Variants in CUX2 observed in about 807,000 individuals in gnomAD.
The protein encoded by CUX2 is cut like homeobox 2, also known as homeobox protein cut-like 2.
In CUX2, 40 loss-of-function variants were observed where a neutral mutation model predicts 144.8. That is an observed-to-expected ratio of 0.28 (90% CI 0.21 to 0.36). The LOEUF is 0.36. Ranked by LOEUF, CUX2 falls within the 10% of genes least tolerant of loss-of-function variation. The pLI is 1.00. For missense variants in CUX2, 1,615 were observed against 1,994.0 expected (o/e 0.81, Z 3.62); for synonymous variants, 827 against 875.6 (o/e 0.94, Z 0.98).
intron 1 of CUX2, among the ~76,000 whole-genome samples, chr12:111,089,681 G>A (rs143336809): frequency 3.3e-5 from 5 of 152,246 alleles, no homozygotes; most frequent in Non-Finnish European, 7.3e-5. Flanking sequence ...GCATTCCTAG[G>A]TTAATGGGAG....
chr12:111,072,967 A>C (rs1871318812), intron 1 of CUX2, among the ~76,000 whole-genome samples: 1 of 152,244 alleles, frequency 6.6e-6, no homozygotes, highest in Non-Finnish European at 1.5e-5. Flanking sequence ...ACAGATAAGC[A>C]AAAAGAAGAA....
chr12:111,228,534 C>T (rs867654602), intron 3 of CUX2, among the ~76,000 whole-genome samples: 3 of 152,116 alleles, frequency 2.0e-5, no homozygotes, highest in Non-Finnish European at 2.9e-5. Context: ...AGCGATTCTC[C>T]TGCCTCAGCC....
Position 111,047,129 on chromosome 12 carries a change from C to CG in CUX2, c.63+12891dup, listed in dbSNP as rs138665700. On this transcript the variant is annotated intron_variant, in intron 1 of 21. Transcript: ENST00000261726. ...TGAGCACCACCCGGCCATCCATCCC[C>CG]GGCCCCCGCTGGGTCCCGGAGCCGC... Among the ~76,000 whole-genome samples, 1,255 of 152,340 alleles carry CG rather than the reference C, an allele frequency of 8.2e-3. 24 individuals are homozygous for CG. Among genetic ancestry groups the CG allele is most frequent in the African/African-American group, 0.028 (1,168 of 41,576 alleles).
intron 1 of CUX2, among the ~76,000 whole-genome samples, chr12:111,113,613 G>C (rs569016458): frequency 9.2e-5 from 14 of 152,210 alleles, no homozygotes; most frequent in African/African-American, 3.4e-4. Context: ...GGAGTGCAGT[G>C]GCACGATCTC....
At chr12:111,283,089 A>C (rs1231633791) in intron 4 of CUX2, among the ~76,000 whole-genome samples, 1 of 151,936 alleles carries the variant, frequency 6.6e-6, no homozygotes, top group Admixed American at 6.6e-5. Context: ...GTGGTGGCGC[A>C]TGCCTGTAAT....
chr12:111,206,253 G>C (rs1880913798), intron 1 of CUX2, among the ~76,000 whole-genome samples: 1 of 152,186 alleles, frequency 6.6e-6, no homozygotes, highest in Non-Finnish European at 1.5e-5. Flanking sequence ...CATTGCTTGG[G>C]CATGGGAGGT....
intron 1 of CUX2, among the ~76,000 whole-genome samples, chr12:111,131,779 C>G (rs753770193): frequency 6.6e-6 from 1 of 152,186 alleles, no homozygotes; most frequent in Non-Finnish European, 1.5e-5. Flanking sequence ...CATGTTGATG[C>G]AAAAGATGGC....
chr12:111,293,305 G>A lies in CUX2; in HGVS notation c.437-141G>A. ...TGTGCTGAGGACATGCGGCCCGCAG[G>A]GCCCCACAGCTGCGCTCTCTCCAAG... On this transcript the variant is annotated intron_variant, in intron 5 of 21. Coordinates refer to ENST00000261726, the MANE Select transcript of CUX2 (RefSeq NM_015267.4). This position sits in a 1 kb window ranked among gnomAD's most constrained non-coding sequence, Gnocchi z 4.5. 1 of 1,293,506 alleles carries A rather than the reference G, an allele frequency of 7.7e-7. No homozygotes were observed. Among genetic ancestry groups the A allele is most frequent in the Non-Finnish European group, 1.0e-6 (1 of 967,044 alleles). The allele number at this position is 1,293,506 out of a possible 1,614,324, so 80.1% of individuals were successfully genotyped here.
At position 111,186,591 on chromosome 12, in the gene CUX2, G is replaced by C. The variant is rs1879546580; in HGVS notation, c.64-27609G>C. Reference sequence around the variant, plus strand: ...GAGAAGGGCGACTCTGTGGCGTGAGGCTCGCAGCTGCACAGAGGCAGGGTC... The same window carrying C: ...GAGAAGGGCGACTCTGTGGCGTGAGCCTCGCAGCTGCACAGAGGCAGGGTC... On this transcript the variant is annotated intron_variant, in intron 1 of 21. Transcript: ENST00000261726. This position sits in a 1 kb window ranked among gnomAD's most constrained non-coding sequence, Gnocchi z 4.4. Among the ~76,000 whole-genome samples, 1 of 152,188 alleles carries C rather than the reference G, an allele frequency of 6.6e-6. No homozygotes were observed. Among genetic ancestry groups the C allele is most frequent in the Non-Finnish European group, 1.5e-5 (1 of 68,032 alleles).
At chr12:111,202,478 G>A (rs1880657968) in intron 1 of CUX2, among the ~76,000 whole-genome samples, 1 of 152,250 alleles carries the variant, frequency 6.6e-6, no homozygotes, top group Admixed American at 6.5e-5. Flanking sequence ...ACAGGAGCAG[G>A]CTTGTTTTCC....
chr12:111,082,219 A>G (rs1871932705), intron 1 of CUX2, among the ~76,000 whole-genome samples: 1 of 152,184 alleles, frequency 6.6e-6, no homozygotes, highest in Admixed American at 6.5e-5. Context: ...GTATCTGCTC[A>G]TGTTGTGGAC....
intron 1 of CUX2, among the ~76,000 whole-genome samples, chr12:111,194,067 A>G (rs1037354945): frequency 2.0e-5 from 3 of 152,170 alleles, no homozygotes; most frequent in Admixed American, 2.0e-4. Context: ...GTGCAACATG[A>G]ACATATCACA....
At chr12:111,338,223 T>C in intron 19 of CUX2, 63 bp from the exon 20 acceptor site, 1 of 1,501,290 alleles carries the variant, frequency 6.7e-7, no homozygotes, top group Non-Finnish European at 9.0e-7. Flanking sequence ...TCCATGTCTC[T>C]CCTGGGAGTA....
chr12:111,212,625 A>C (rs1179078551), intron 1 of CUX2, among the ~76,000 whole-genome samples: 1 of 152,232 alleles, frequency 6.6e-6, no homozygotes, highest in Admixed American at 6.5e-5. Flanking sequence ...GATTACAGGC[A>C]TGAGCCACTG....
At position 111,037,518 on chromosome 12, in the gene CUX2, G is replaced by A. The variant is rs1295338326; in HGVS notation, c.63+3278G>A. Among the ~76,000 whole-genome samples the A allele has an allele frequency of 6.6e-6, 1 of 152,214 alleles. No homozygotes were observed. The highest frequency in any genetic ancestry group is 1.5e-5 in the Non-Finnish European group (1 of 68,048). On this transcript the variant is annotated intron_variant, in intron 1 of 21. Transcript: ENST00000261726. The surrounding 1 kb of genome is among the most constrained non-coding windows in gnomAD (Gnocchi z 5.4). ...ATGACTTTGGGCCGATGGTAAAGGT[G>A]ATCTGACATGTGCCACCCTACTCCG...
intron 3 of CUX2, 113 bp downstream of exon 3, chr12:111,218,050 T>C: frequency 9.3e-7 from 1 of 1,079,446 alleles, no homozygotes; most frequent in East Asian, 2.4e-5. Context: ...TGGAGAAGCT[T>C]CCCTGTCCCC....
At chr12:111,319,776 A>G (rs1887411288) in intron 16 of CUX2, among the ~76,000 whole-genome samples, 1 of 152,228 alleles carries the variant, frequency 6.6e-6, no homozygotes, top group African/African-American at 2.4e-5. Context: ...GCATTGCATT[A>G]TCCGCATGAG....
intron 3 of CUX2, among the ~76,000 whole-genome samples, chr12:111,218,412 A>G (rs376527618): frequency 6.6e-6 from 1 of 152,042 alleles, no homozygotes; most frequent in South Asian, 2.1e-4. Context: ...GCTACTCCGG[A>G]GGCTAAGGTG....
At chr12:111,175,998 G>A (rs1410406852) in intron 1 of CUX2, among the ~76,000 whole-genome samples, 5 of 151,362 alleles carry the variant, frequency 3.3e-5, no homozygotes, top group Non-Finnish European at 1.5e-5. Flanking sequence ...AGATTGGGGG[G>A]AGAACTGATG....
Sources: gnomAD v4.1 joint callset for allele counts (sites outside exome capture counted in the v4.1 genomes callset) on GRCh38, gnomAD v4.1.1 for gene constraint, Gnocchi (gnomAD v3.1) non-coding constraint, MANE v1.5 for transcripts, NCBI Gene and HGNC (gene_info 2026-07-23, HGNC 2026-07-21) for gene names.